Variants in IFT80 observed in about 807,000 individuals in gnomAD.
The protein encoded by IFT80 is intraflagellar transport protein 80 homolog.
A neutral mutation model predicts 107.9 loss-of-function variants in IFT80; 79 were observed. That is an observed-to-expected ratio of 0.73 (90% CI 0.61 to 0.88). IFT80 has a LOEUF of 0.88. IFT80 is among the 40% of genes least tolerant of loss of function. IFT80 has a pLI of 0.00. For missense variants in IFT80, 797 were observed against 914.2 expected (o/e 0.87, Z 1.65); for synonymous variants, 299 against 300.9 (o/e 0.99, Z 0.07).
chr3:160,272,369 G>A (rs1456868455), intron 18 of IFT80, among the ~76,000 whole-genome samples: 9 of 152,010 alleles, frequency 5.9e-5, no homozygotes, highest in African/African-American at 9.7e-5. Flanking sequence ...AATATTTACA[G>A]AAAAAAATGA....
chr3:160,389,572 T>C (rs372916435), intron 1 of IFT80, among the ~76,000 whole-genome samples: 1 of 145,672 alleles, frequency 6.9e-6, no homozygotes, highest in Non-Finnish European at 1.5e-5. Context: ...TGAGTGAGAA[T>C]ATGCGGTGTT....
chr3:160,354,623 AGCCTGGGC>A (rs1372482425), intron 8 of IFT80, among the ~76,000 whole-genome samples: 1 of 152,208 alleles, frequency 6.6e-6, no homozygotes, highest in Non-Finnish European at 1.5e-5. Context: ...ACTGCACTCC[AGCCTGGGC>A]GACAGAGCAA....
intron 8 of IFT80, chr3:160,320,190 C>T (rs1367175163): frequency 7.6e-6 from 3 of 396,056 alleles, no homozygotes; most frequent in Non-Finnish European, 1.4e-5. Flanking sequence ...CACATCATCT[C>T]AATGTTTACT....
At position 160,257,111 on chromosome 3, in the gene IFT80, CACAT is replaced by C. The variant is rs1032319568; in HGVS notation, c.*1410_*1413del. On this transcript the variant is annotated 3_prime_UTR_variant, in exon 20 of 20. Transcript: ENST00000326448. ...TATTGAAATATAACAATATAGGAAA[CACAT>C]ACACAGTACAACTTGTAAGTACACT... 3.3e-5 allele frequency: 5 copies of C among 151,986 alleles called. No individual in the cohort carries two copies. The highest frequency in any genetic ancestry group is 9.7e-5 in the African/African-American group (4 of 41,390). The allele number at this position is 151,986 out of a possible 1,614,324, so 9.4% of individuals were successfully genotyped here.
intron 9 of IFT80, among the ~76,000 whole-genome samples, chr3:160,314,136 TTA>T (rs1409822560): frequency 1.3e-5 from 2 of 152,194 alleles, no homozygotes; most frequent in African/African-American, 4.8e-5. Flanking sequence ...TTTACATATA[TTA>T]TCTCATTTCA....
At chr3:160,259,704 G>C (rs1559905755) in intron 19 of IFT80, among the ~76,000 whole-genome samples, 2 of 152,130 alleles carry the variant, frequency 1.3e-5, no homozygotes, top group Non-Finnish European at 2.9e-5. Context: ...GACTTGTTAG[G>C]AATAGACTCT....
At chr3:160,384,535 A>G (rs774806460) in intron 2 of IFT80, 29 bp downstream of exon 2, 1 of 1,419,568 alleles carries the variant, frequency 7.0e-7, no homozygotes, top group South Asian at 1.3e-5. Flanking sequence ...AAGAAAATCC[A>G]ATAAGATTTA....
chr3:160,351,867 T>A (rs576702152), intron 8 of IFT80, among the ~76,000 whole-genome samples: 2 of 151,966 alleles, frequency 1.3e-5, no homozygotes, highest in African/African-American at 2.4e-5. Context: ...GATAATTCAA[T>A]GAATGAAAGT....
intron 8 of IFT80, among the ~76,000 whole-genome samples, chr3:160,355,776 C>T (rs1238722052): frequency 6.6e-6 from 1 of 152,158 alleles, no homozygotes; most frequent in East Asian, 1.9e-4. Flanking sequence ...CACAATCATG[C>T]TCAAAATAAT....
At chr3:160,274,418 C>G (rs1220553375) in intron 18 of IFT80, 1 of 151,806 alleles carries the variant, frequency 6.6e-6, no homozygotes, top group Non-Finnish European at 1.5e-5. Flanking sequence ...TCTGTGATAC[C>G]TACTCACTCA....
Position 160,356,591 on chromosome 3 carries a change from G to A in IFT80, c.640-441C>T, listed in dbSNP as rs577001314. ...GCTGGAGTACAGTAGCATGATCATAGCTCACTGCAGTCTTGATCTCCTGGG... is the reference window on the plus strand; with the variant it reads ...GCTGGAGTACAGTAGCATGATCATAACTCACTGCAGTCTTGATCTCCTGGG... On this transcript the variant is annotated intron_variant, in intron 7 of 19. Coordinates refer to ENST00000326448, the MANE Select transcript of IFT80 (RefSeq NM_020800.3). 1.2e-4 allele frequency among the ~76,000 whole-genome samples: 18 copies of A among 152,272 alleles called. No homozygotes were observed. The South Asian group carries it at 3.5e-3, about 30-fold the overall frequency.
intron 8 of IFT80, among the ~76,000 whole-genome samples, chr3:160,353,625 T>G (rs982533147): frequency 6.6e-6 from 1 of 152,210 alleles, no homozygotes; most frequent in Non-Finnish European, 1.5e-5. Context: ...GGAGAACTAC[T>G]AATTCTTCAA....
At position 160,315,847 on chromosome 3, in the gene IFT80, G is replaced by A. The variant is rs11915247; in HGVS notation, c.957+3913C>T. 1.7e-3 allele frequency among the ~76,000 whole-genome samples: 259 copies of A among 152,180 alleles called. 1 individual carries two copies. The highest frequency in any genetic ancestry group is 5.7e-3 in the African/African-American group (238 of 41,524). ...TAGGTTATCTTTTTTTTAGAAAGGG[G>A]ATGGGTTTGTTTTCAATCACTTATA... On this transcript the variant is annotated intron_variant, in intron 9 of 19. Transcript: ENST00000326448.
chr3:160,357,244 T>C (rs1721161539), intron 7 of IFT80, among the ~76,000 whole-genome samples: 2 of 152,196 alleles, frequency 1.3e-5, no homozygotes, highest in South Asian at 2.1e-4. Context: ...GGACCACAGA[T>C]GTGCTCCATC....
intron 12 of IFT80, among the ~76,000 whole-genome samples, chr3:160,291,197 T>A (rs955800863): frequency 6.6e-6 from 1 of 152,202 alleles, no homozygotes; most frequent in Admixed American, 6.5e-5. Flanking sequence ...AGAATTCCCA[T>A]CTGAGAGGCA....
At position 160,268,497 on chromosome 3, in the gene IFT80, A is replaced by G. The variant is rs16831157; in HGVS notation, c.2139T>C (p.Asp713=). Residue 713 remains aspartate (D), a synonymous_variant, in exon 19 of 20, where the codon GAT becomes GAC. Coordinates refer to ENST00000326448, the MANE Select transcript of IFT80 (RefSeq NM_020800.3). The part of the protein sequence containing the change: ...ELAVKYKTHV[D]TVLAYRQKFL... ...ACTTTTGACGGTAAGCAAGAACTGT[A>G]TCAACATGTGTTTTGTATTTTACAG... 1,349 of 1,613,266 alleles carry G rather than the reference A, an allele frequency of 8.4e-4. 17 individuals carry two copies. The African/African-American group carries it at 0.016, about 19-fold the overall frequency.
At chr3:160,273,346 A>G (rs565733397) in intron 18 of IFT80, among the ~76,000 whole-genome samples, 1 of 152,280 alleles carries the variant, frequency 6.6e-6, no homozygotes, top group East Asian at 1.9e-4. Context: ...TCCATTGTGA[A>G]AAGATCACTA....
chr3:160,382,475 T>C (rs1363419209), intron 2 of IFT80, among the ~76,000 whole-genome samples: 1 of 152,192 alleles, frequency 6.6e-6, no homozygotes, highest in East Asian at 1.9e-4. Context: ...ATTTAACCCA[T>C]TTTTTCAGCT....
At chr3:160,394,131 A>T (rs965788930) in intron 1 of IFT80, 1 of 152,234 alleles carries the variant, frequency 6.6e-6, no homozygotes, top group African/African-American at 2.4e-5. Flanking sequence ...GTACAGTAGA[A>T]AAGAGAGAGA....
Sources: gnomAD v4.1 joint callset for allele counts (sites outside exome capture counted in the v4.1 genomes callset) on GRCh38, gnomAD v4.1.1 for gene constraint, MANE v1.5 for transcripts, NCBI Gene and HGNC (gene_info 2026-07-23, HGNC 2026-07-21) for gene names.